The following FBLN7 variants were observed in gnomAD, a reference collection of about 807,000 sequenced individuals.
FBLN7 encodes fibulin-7.
A neutral mutation model predicts 44.0 loss-of-function variants in FBLN7; 31 were observed. The observed-to-expected ratio is 0.70, with a 90% CI of 0.53 to 0.95. The LOEUF (loss-of-function observed/expected upper bound fraction) is 0.95, where lower values mean the gene tolerates loss of function less well. Ranked by LOEUF, FBLN7 falls within the 40% of genes least tolerant of loss-of-function variation. The pLI is 0.00. For synonymous variants in FBLN7, 262 were observed against 253.4 expected (o/e 1.03, Z -0.32); for missense variants, 573 against 618.5 (o/e 0.93, Z 0.78).
chr2:112,181,095 A>T (rs1682970311), intron 4 of FBLN7, among the ~76,000 whole-genome samples: 1 of 152,158 alleles, frequency 6.6e-6, no homozygotes, highest in African/African-American at 2.4e-5. Context: ...ACAGAAAACC[A>T]AATACGGCAT....
rs969261446 is a variant in FBLN7 at position 112,181,673 on chromosome 2, C to T, written c.533-66C>T. On this transcript the variant is annotated intron_variant, in intron 4 of 7. Coordinates refer to ENST00000331203, the MANE Select transcript of FBLN7 (RefSeq NM_153214.3). ...TCCGTCTTGGTTCTGCTCCCGGCCC[C>T]TACCCAAGGTCGGGCCCACGGCAGG... The T allele has an allele frequency of 5.2e-6, 7 of 1,344,466 alleles. No homozygotes were observed. In the African/African-American group the frequency reaches 1.1e-4, roughly 21 times the overall value. 83.3% of individuals were successfully genotyped at this position (1,344,466 alleles called of 1,614,324 possible).
chr2:112,221,279 T>C, the FBLN7 span, among the ~76,000 whole-genome samples: 1 of 152,156 alleles, frequency 6.6e-6, no homozygotes, highest in Non-Finnish European at 1.5e-5. Context: ...CCATCCCCCT[T>C]GGTACTGTCC....
chr2:112,138,964 C>CCAGT (rs1680498476), intron 1 of FBLN7, among the ~76,000 whole-genome samples: 1 of 46,790 alleles, frequency 2.1e-5, no homozygotes, highest in South Asian at 6.2e-4. Context: ...TCCAGGCCAG[C>CCAGT]GTCCCTCCCG....
the FBLN7 span, among the ~76,000 whole-genome samples, chr2:112,218,701 A>G: frequency 3.3e-5 from 5 of 152,156 alleles, no homozygotes; most frequent in South Asian, 8.3e-4. Context: ...GAGTCTACTT[A>G]TGTGTTAATC....
chr2:112,180,937 A>G (rs2104601357), intron 4 of FBLN7, among the ~76,000 whole-genome samples: 1 of 151,304 alleles, frequency 6.6e-6, no homozygotes, highest in African/African-American at 2.4e-5. Flanking sequence ...AAAAAAAAAA[A>G]AAAAAAAACG....
intron 1 of FBLN7, among the ~76,000 whole-genome samples, chr2:112,157,997 A>G (rs1209972748): frequency 6.7e-6 from 1 of 150,124 alleles, no homozygotes; most frequent in African/African-American, 2.5e-5. Context: ...CCCGGGGTTC[A>G]CGCCATTCTC....
chr2:112,143,213 G>GC (rs1680738400), intron 1 of FBLN7, among the ~76,000 whole-genome samples: 1 of 152,208 alleles, frequency 6.6e-6, no homozygotes. Context: ...GAGAGCAGGA[G>GC]CCCTTTCTGG....
rs1681885226 is a variant in FBLN7, at chr2:112,161,802, T to C, written c.235+1967T>C. 2.0e-5 allele frequency among the ~76,000 whole-genome samples: 3 copies of C among 152,252 alleles called. No homozygotes were observed. The South Asian group carries it at 6.2e-4, about 32-fold the overall frequency. ...GTACAACATTTTTTAAAGTGCCAAA[T>C]TCTCTTTTTAAAAAATCGCCATCAT... On this transcript the variant is annotated intron_variant, in intron 2 of 7. Coordinates refer to ENST00000331203, the MANE Select transcript of FBLN7 (RefSeq NM_153214.3).
chr2:112,224,497 C>A, the FBLN7 span, among the ~76,000 whole-genome samples: 1 of 152,168 alleles, frequency 6.6e-6, no homozygotes, highest in Non-Finnish European at 1.5e-5. Context: ...AAACCCAGGA[C>A]AAAAATACAC....
At chr2:112,173,717 G>C (rs1297747477) in intron 3 of FBLN7, among the ~76,000 whole-genome samples, 5 of 152,246 alleles carry the variant, frequency 3.3e-5, no homozygotes, top group Non-Finnish European at 5.9e-5. Flanking sequence ...TGGCTTGCCA[G>C]CCCCTGCCAT....
chr2:112,243,172 C>A, the FBLN7 span, among the ~76,000 whole-genome samples: 1 of 152,184 alleles, frequency 6.6e-6, no homozygotes, highest in Non-Finnish European at 1.5e-5. Flanking sequence ...GATCTCCATA[C>A]CTACATTAAT....
At chr2:112,199,119 C>G in the FBLN7 span, among the ~76,000 whole-genome samples, 647 of 152,254 alleles carry the variant, frequency 4.2e-3, 5 homozygotes, top group African/African-American at 0.015. Context: ...TAATCAAGAT[C>G]AAAAGTGAGT....
the FBLN7 span, among the ~76,000 whole-genome samples, chr2:112,210,151 G>A: frequency 6.6e-6 from 1 of 151,962 alleles, no homozygotes; most frequent in Non-Finnish European, 1.5e-5. Flanking sequence ...TGAGGGCAGT[G>A]TCTTTACATG....
At chr2:112,181,042 G>C (rs1017498319) in intron 4 of FBLN7, among the ~76,000 whole-genome samples, 6 of 151,872 alleles carry the variant, frequency 4.0e-5, no homozygotes, top group East Asian at 3.9e-4. Context: ...GTGGAAACAT[G>C]GATGGAGCTG....
At chr2:112,201,287 C>T in the FBLN7 span, among the ~76,000 whole-genome samples, 5 of 152,158 alleles carry the variant, frequency 3.3e-5, no homozygotes, top group South Asian at 2.1e-4. Context: ...TGGGTGGGCC[C>T]GGAAGGCCTG....
chr2:112,143,360 C>T lies in FBLN7; in HGVS notation c.75+4630C>T, dbSNP rs144265559. On this transcript the variant is annotated intron_variant, in intron 1 of 7. Coordinates refer to ENST00000331203, the MANE Select transcript of FBLN7 (RefSeq NM_153214.3). ...TGGGCGGGCAGGGGATGCGGGCTCCCGGCCACCTCCTCGCCTGTGTGGGGA... is the reference window on the plus strand; with the variant it reads ...TGGGCGGGCAGGGGATGCGGGCTCCTGGCCACCTCCTCGCCTGTGTGGGGA... Among the ~76,000 whole-genome samples the T allele has an allele frequency of 7.1e-3, 1,088 of 152,226 alleles. 14 individuals are homozygous for T. The highest frequency in any genetic ancestry group is 0.025 in the African/African-American group (1,031 of 41,512).
chr2:112,160,848 G>GCACACACACA (rs71826516), intron 2 of FBLN7, among the ~76,000 whole-genome samples: 2 of 148,152 alleles, frequency 1.3e-5, no homozygotes, highest in East Asian at 4.0e-4. Context: ...ACGCACACGC[G>GCACACACACA]CACACACACA....
chr2:112,217,922 GTGTTTT>G, the FBLN7 span, among the ~76,000 whole-genome samples: 3,517 of 152,124 alleles, frequency 0.023, 115 homozygotes, highest in African/African-American at 0.075. Flanking sequence ...CTGGTTTCTT[GTGTTTT>G]TGTTTTTGTT....
chr2:112,234,337 GT>G, the FBLN7 span: 2 of 879,492 alleles, frequency 2.3e-6, no homozygotes, highest in Non-Finnish European at 3.4e-6. Context: ...AGCCTTAAAG[GT>G]GACTCTTCTA....
Sources: allele counts gnomAD v4.1 joint callset (sites outside exome capture counted in the v4.1 genomes callset), GRCh38; gene constraint gnomAD v4.1.1; transcripts MANE v1.5; gene names NCBI Gene and HGNC (gene_info 2026-07-23, HGNC 2026-07-21).